KALRN: variants seen among roughly 807,000 people sequenced by gnomAD.
KALRN encodes the protein kalirin.
In KALRN, 70 loss-of-function variants were observed where a neutral mutation model predicts 353.7. The observed-to-expected ratio is 0.20, with a 90% CI of 0.16 to 0.24. The LOEUF is 0.24. Among genes scored for constraint, KALRN ranks in the 10% least tolerant of loss-of-function variants. The pLI is 1.00. For missense variants in KALRN, 2,791 were observed against 3,756.7 expected (o/e 0.74, Z 6.72); for synonymous variants, 1,391 against 1,434.8 (o/e 0.97, Z 0.69).
At chr3:124,705,403 C>G (rs1237254453) in intron 57 of KALRN, among the ~76,000 whole-genome samples, 1 of 151,996 alleles carries the variant, frequency 6.6e-6, no homozygotes, top group Non-Finnish European at 1.5e-5. Context: ...TGTTTTTCTT[C>G]TACAGAAAAA....
At chr3:124,595,056 T>G (rs898890440) in intron 34 of KALRN, among the ~76,000 whole-genome samples, 6 of 152,178 alleles carry the variant, frequency 3.9e-5, no homozygotes, top group African/African-American at 1.4e-4. Context: ...GAACCTTGAT[T>G]TTTTTTTCTG....
In KALRN at chr3:124,632,535, C is replaced by T. The variant is rs371974485; in HGVS notation, c.5298C>T (p.Thr1766=). Residue 1766 remains threonine (T), a synonymous_variant, in exon 35 of 60, where the codon ACC becomes ACT. Coordinates refer to ENST00000682506, the MANE Select transcript of KALRN (RefSeq NM_001388419.1). ...GTTCCCCGGGTCCCAAGCGCTCCAC[C>T]AACACTCTTAAGAAGTGGCTGACGA... ...IHSSPGPKRS[T]NTLKKWLTSP... The T allele has an allele frequency of 1.4e-5, 23 of 1,614,100 alleles. No individual in the cohort carries two copies. Among genetic ancestry groups the T allele is most frequent in the Non-Finnish European group, 2.5e-6 (3 of 1,180,046 alleles).
intron 1 of KALRN, among the ~76,000 whole-genome samples, chr3:124,184,166 A>G (rs1228413906): frequency 1.3e-5 from 2 of 152,188 alleles, no homozygotes; most frequent in African/African-American, 4.8e-5. Flanking sequence ...TTGGCTCTAG[A>G]GTCACATGGA....
chr3:124,545,927 A>T (rs934051139), intron 33 of KALRN, among the ~76,000 whole-genome samples: 1 of 152,174 alleles, frequency 6.6e-6, no homozygotes, highest in Non-Finnish European at 1.5e-5. Flanking sequence ...GAGAAAAGAG[A>T]TGCATTATGG....
intron 14 of KALRN, among the ~76,000 whole-genome samples, chr3:124,414,697 C>T (rs2092396911): frequency 6.6e-6 from 1 of 152,186 alleles, no homozygotes; most frequent in Non-Finnish European, 1.5e-5. Context: ...AAAGAAGTCA[C>T]ATGGCTGGTC....
chr3:124,633,734 G>A (rs2081051211), intron 35 of KALRN, 118 bp from the exon 36 acceptor site: 2 of 810,220 alleles, frequency 2.5e-6, no homozygotes, highest in African/African-American at 1.7e-5. Context: ...CGACTGAACA[G>A]TTAAGAGTGA....
intron 34 of KALRN, among the ~76,000 whole-genome samples, chr3:124,580,289 A>G (rs13062501): frequency 0.25 from 37,581 of 148,254 alleles, 4,800 homozygotes; most frequent in East Asian, 0.35. Flanking sequence ...CGTATTACAG[A>G]CACCTGGGGA....
At chr3:124,426,998 A>G (rs1238999120) in intron 15 of KALRN, among the ~76,000 whole-genome samples, 1 of 152,234 alleles carries the variant, frequency 6.6e-6, no homozygotes, top group Non-Finnish European at 1.5e-5. Flanking sequence ...TACTAAAGAC[A>G]TTGGCTTAAT....
In KALRN at chr3:124,392,230, T is replaced by A. The variant is rs7428115; in HGVS notation, c.1963-2905T>A. ...ATGCCCAGCTAATTTTTGTGTTTTT[T>A]AAAAAAATTTTTTTATAGATGCTGG... On this transcript the variant is annotated intron_variant, in intron 11 of 59. Coordinates refer to ENST00000682506, the MANE Select transcript of KALRN (RefSeq NM_001388419.1). 0.011 allele frequency among the ~76,000 whole-genome samples: 1,734 copies of A among 152,174 alleles called. 60 individuals are homozygous for A. The East Asian group carries it at 0.12, about 11-fold the overall frequency.
chr3:124,532,113 G>A (rs2068093567), intron 33 of KALRN, among the ~76,000 whole-genome samples: 1 of 152,126 alleles, frequency 6.6e-6, no homozygotes, highest in Non-Finnish European at 1.5e-5. Flanking sequence ...TCTGGCATAA[G>A]ATTCTCTACA....
intron 1 of KALRN, among the ~76,000 whole-genome samples, chr3:124,048,299 C>G (rs543873496): frequency 6.6e-6 from 1 of 152,288 alleles, no homozygotes; most frequent in East Asian, 1.9e-4. Context: ...CTCTCTCTTA[C>G]TCCCTTATGT....
intron 6 of KALRN, among the ~76,000 whole-genome samples, chr3:124,305,757 TA>T (rs1387369552): frequency 6.6e-6 from 1 of 151,986 alleles, no homozygotes; most frequent in Non-Finnish European, 1.5e-5. Context: ...CAACAAGCTC[TA>T]AAAGAAGTGG....
chr3:124,610,780 G>C (rs553855731), intron 34 of KALRN, among the ~76,000 whole-genome samples: 1 of 152,128 alleles, frequency 6.6e-6, no homozygotes, highest in Non-Finnish European at 1.5e-5. Context: ...GGAGGCTGAG[G>C]CAGGAGGATG....
At chr3:124,094,937 A>G in intron 1 of KALRN, 1 of 1,584,666 alleles carries the variant, frequency 6.3e-7, no homozygotes, top group African/African-American at 1.3e-5. Flanking sequence ...TGTATGAGAG[A>G]CTGAGAGAGA....
rs553103225 is a variant in KALRN at position 124,493,205 on chromosome 3, T to C, written c.4832+323T>C. On this transcript the variant is annotated intron_variant, in intron 32 of 59. Transcript: ENST00000682506. ...TGAAATAGACCAGAAGAACCACGTA[T>C]AGGGATCATAAATTCTATAAGAATT... Among the ~76,000 whole-genome samples the C allele has an allele frequency of 9.2e-5, 14 of 152,324 alleles. No homozygotes were observed. The East Asian group carries it at 2.7e-3, about 29-fold the overall frequency.
At chr3:124,466,732 G>A (rs1228205626) in intron 25 of KALRN, among the ~76,000 whole-genome samples, 2 of 152,128 alleles carry the variant, frequency 1.3e-5, no homozygotes, top group Non-Finnish European at 2.9e-5. Context: ...TACTTGCCCA[G>A]TGTGCGCCCC....
At chr3:124,635,814 G>A (rs984489079) in intron 36 of KALRN, among the ~76,000 whole-genome samples, 2 of 151,972 alleles carry the variant, frequency 1.3e-5, no homozygotes, top group Admixed American at 6.6e-5. Flanking sequence ...CTTCCTAGCT[G>A]TAATTTTAAT....
Position 124,265,298 on chromosome 3 carries a change from C to CTTTTTTTTTTTTT in KALRN, c.456+610_456+622dup, listed in dbSNP as rs3054177. On this transcript the variant is annotated intron_variant, in intron 4 of 59. Coordinates refer to ENST00000682506, the MANE Select transcript of KALRN (RefSeq NM_001388419.1). ...CTAGTAACTAATTTAAGAAAATATT[C>CTTTTTTTTTTTTT]TTTTTTTTTTTTTTGAGATAGAGTC... is the stretch of plus-strand genomic sequence containing the variant. 2.8e-3 allele frequency among the ~76,000 whole-genome samples: 207 copies of CTTTTTTTTTTTTT among 73,056 alleles called. 43 individuals carry two copies. The highest frequency in any genetic ancestry group is 3.7e-3 in the African/African-American group (69 of 18,666). The allele number at this position is 73,056 out of a possible 152,430, so 47.9% of individuals were successfully genotyped here.
At chr3:124,490,992 A>G (rs1438698174) in intron 30 of KALRN, 108 bp downstream of exon 30, 6 of 975,984 alleles carry the variant, frequency 6.1e-6, no homozygotes, top group African/African-American at 3.3e-5. Flanking sequence ...CTCCACACCA[A>G]AACCATCCTG....
Sources: allele counts gnomAD v4.1 joint callset (sites outside exome capture counted in the v4.1 genomes callset), GRCh38; gene constraint gnomAD v4.1.1; transcripts MANE v1.5; gene names NCBI Gene and HGNC (gene_info 2026-07-23, HGNC 2026-07-21).